The following EPN2 variants were observed in gnomAD, a reference collection of about 807,000 sequenced individuals.
The protein encoded by EPN2 is epsin-2.
A neutral mutation model predicts 61.7 loss-of-function variants in EPN2; 34 were observed. That is an observed-to-expected ratio of 0.55 (90% CI 0.42 to 0.73). EPN2 has a LOEUF of 0.73. Ranked by LOEUF, EPN2 falls within the 30% of genes least tolerant of loss-of-function variation. The pLI, the probability that EPN2 is intolerant of heterozygous loss-of-function variation, is 0.00. For synonymous variants in EPN2, 349 were observed against 353.6 expected, an observed-to-expected ratio of 0.99 and a Z score of 0.15; for missense variants, 714 against 839.2, an observed-to-expected ratio of 0.85 and a Z score of 1.84.
rs769071495 is a variant in EPN2 at position 19,309,940 on chromosome 17, A to G, written c.822A>G (p.Gly274=). The G allele has an allele frequency of 6.2e-7, 1 of 1,609,420 alleles. No individual in the cohort carries two copies. Among genetic ancestry groups the G allele is most frequent in the Admixed American group, 1.7e-5 (1 of 60,022 alleles). The change falls in exon 5 of 11, where the codon GGA becomes GGG. Residue 274 remains glycine (G), a synonymous_variant. Coordinates refer to ENST00000314728, the MANE Select transcript of EPN2 (RefSeq NM_014964.5). ...ELEQARPQTS[G]EEELQLQLAL... ...AGCAAGCCCGGCCCCAGACTAGTGG[A>G]GAAGAGGAGCTTCAGCTGCAGCTGG...
chr17:19,329,006 C>T (rs1217387152), intron 8 of EPN2, 119 bp downstream of exon 8: 2 of 893,174 alleles, frequency 2.2e-6, no homozygotes, highest in East Asian at 2.7e-5. Flanking sequence ...CCCCTCCTCC[C>T]CCTTAGCCTT....
chr17:19,307,638 C>T (rs1205593137), intron 4 of EPN2, among the ~76,000 whole-genome samples: 6 of 152,168 alleles, frequency 3.9e-5, no homozygotes, highest in Non-Finnish European at 5.9e-5. Flanking sequence ...CCACTGTGCC[C>T]GGCCCGTTCC....
At chr17:19,293,300 A>C (rs1402226892) in intron 4 of EPN2, among the ~76,000 whole-genome samples, 1 of 151,352 alleles carries the variant, frequency 6.6e-6, no homozygotes, top group Non-Finnish European at 1.5e-5. Flanking sequence ...GATTCGCTTG[A>C]ACCTGAGAGG....
chr17:19,321,403 T>A (rs933341653), intron 7 of EPN2, among the ~76,000 whole-genome samples: 1 of 152,084 alleles, frequency 6.6e-6, no homozygotes, highest in African/African-American at 2.4e-5. Flanking sequence ...CCAGTACCAT[T>A]TCTGGGATTT....
intron 7 of EPN2, among the ~76,000 whole-genome samples, chr17:19,317,378 A>T (rs2152234453): frequency 6.6e-6 from 1 of 152,314 alleles, no homozygotes; most frequent in South Asian, 2.1e-4. Context: ...GGCTGGCTGG[A>T]GCCCTCTCTC....
At chr17:19,260,949 T>C (rs2152207847) in intron 1 of EPN2, among the ~76,000 whole-genome samples, 1 of 152,330 alleles carries the variant, frequency 6.6e-6, no homozygotes, top group East Asian at 1.9e-4. Flanking sequence ...GGAGAATGGT[T>C]GTCATTCTCT....
intron 3 of EPN2, among the ~76,000 whole-genome samples, chr17:19,284,443 C>G (rs761480945): frequency 2.4e-4 from 36 of 152,294 alleles, no homozygotes; most frequent in Non-Finnish European, 5.1e-4. Flanking sequence ...AGTGGTCCCC[C>G]AACAGGTGTT....
intron 1 of EPN2, among the ~76,000 whole-genome samples, chr17:19,240,932 T>G (rs1181145353): frequency 6.6e-6 from 1 of 152,228 alleles, no homozygotes; most frequent in Non-Finnish European, 1.5e-5. Flanking sequence ...CCTACTGTTC[T>G]GTCGCACTGT....
chr17:19,279,444 GTTTTTTTTTTTT>G (rs1257387590), intron 1 of EPN2, among the ~76,000 whole-genome samples: 5 of 143,474 alleles, frequency 3.5e-5, no homozygotes, highest in Non-Finnish European at 7.7e-5. Flanking sequence ...TCCTTTTTTT[GTTTTTTTTTTTT>G]GAGACAGAGT....
At chr17:19,289,074 GTTTTTTTTTTT>G (rs1162172422) in intron 4 of EPN2, among the ~76,000 whole-genome samples, 8 of 68,670 alleles carry the variant, frequency 1.2e-4, no homozygotes, top group African/African-American at 1.5e-4. Context: ...TTCTGGGTAT[GTTTTTTTTTTT>G]TTTTTTTTTT....
chr17:19,334,530 A>G lies in EPN2; in HGVS notation c.*276A>G, dbSNP rs1423653724. On this transcript the variant is annotated 3_prime_UTR_variant, in exon 11 of 11. Coordinates refer to ENST00000314728, the MANE Select transcript of EPN2 (RefSeq NM_014964.5). The surrounding 1 kb of genome is among the most constrained non-coding windows in gnomAD (Gnocchi z 4.9). ...CCTTGGACGAGGACGTGGAGTCATC[A>G]GTGTTGCCCTTGCCCCTAACCTCAG... 1 of 313,844 alleles carries G rather than the reference A, an allele frequency of 3.2e-6. No homozygotes were observed. The highest frequency in any genetic ancestry group is 5.8e-6 in the Non-Finnish European group (1 of 171,884). The allele number at this position is 313,844 out of a possible 1,614,324, so 19.4% of individuals were successfully genotyped here.
intron 7 of EPN2, among the ~76,000 whole-genome samples, chr17:19,315,935 A>G (rs1043830942): frequency 1.3e-5 from 2 of 152,210 alleles, no homozygotes; most frequent in Non-Finnish European, 2.9e-5. Context: ...TGTGCTTTCT[A>G]TCTCCAGGGA....
intron 8 of EPN2, chr17:19,329,257 C>A: frequency 2.3e-6 from 1 of 442,524 alleles, no homozygotes; most frequent in Non-Finnish European, 4.0e-6. Context: ...GCAACCAGAC[C>A]CAGCTTGATG....
chr17:19,238,215 C>T (rs772078300), intron 1 of EPN2, among the ~76,000 whole-genome samples: 4 of 152,224 alleles, frequency 2.6e-5, no homozygotes, highest in Non-Finnish European at 5.9e-5. Context: ...CCCACCCGGC[C>T]CGGCGGTCCT....
chr17:19,306,856 G>A (rs4924981), intron 4 of EPN2, among the ~76,000 whole-genome samples: 147,333 of 152,286 alleles, frequency 0.97, 71,534 homozygotes, highest in African/African-American at 0.99. Context: ...AGTAAATGAA[G>A]GATGTCGTAA....
intron 1 of EPN2, among the ~76,000 whole-genome samples, chr17:19,277,316 A>C (rs531173888): frequency 6.6e-6 from 1 of 151,128 alleles, no homozygotes; most frequent in South Asian, 2.1e-4. Flanking sequence ...TGCCAGGATC[A>C]CATGAACCTG....
intron 7 of EPN2, among the ~76,000 whole-genome samples, chr17:19,323,475 TAAATC>T (rs775762575): frequency 1.3e-5 from 2 of 152,124 alleles, no homozygotes; most frequent in African/African-American, 2.4e-5. Context: ...CTAAGCAAGA[TAAATC>T]AAAGAAATCC....
chr17:19,247,505 C>A (rs2044966057), intron 1 of EPN2, among the ~76,000 whole-genome samples: 1 of 152,212 alleles, frequency 6.6e-6, no homozygotes, highest in Non-Finnish European at 1.5e-5. Flanking sequence ...AAGTGGAAGG[C>A]AGATGGGAAG....
intron 4 of EPN2, among the ~76,000 whole-genome samples, chr17:19,300,586 G>A (rs750592003): frequency 6.6e-6 from 1 of 151,664 alleles, no homozygotes; most frequent in South Asian, 2.1e-4. Context: ...CTGTCACCAC[G>A]CCTGGCTAAT....
Sources: gnomAD v4.1 joint callset for allele counts (sites outside exome capture counted in the v4.1 genomes callset) on GRCh38, gnomAD v4.1.1 for gene constraint, Gnocchi (gnomAD v3.1) non-coding constraint, MANE v1.5 for transcripts, NCBI Gene and HGNC (gene_info 2026-07-23, HGNC 2026-07-21) for gene names.